Variants in MANBA observed in about 807,000 individuals in gnomAD.
MANBA encodes the protein beta-mannosidase.
MANBA carries 83 observed loss-of-function variants against 111.1 expected under a neutral mutation model. The ratio of observed to expected loss-of-function variants is 0.75; its 90% CI spans 0.63 to 0.90. The LOEUF is 0.90. Among genes scored for constraint, MANBA ranks in the 40% least tolerant of loss-of-function variants. The probability of loss-of-function intolerance (pLI) is 0.00; values close to 1 mark genes in which losing one functional copy is unlikely to be tolerated. For synonymous variants in MANBA, 370 were observed against 378.7 expected (o/e 0.98, Z 0.27); for missense variants, 1,036 against 1,069.0 (o/e 0.97, Z 0.43).
chr4:102,729,735 T>C, intron 1 of MANBA: 2 of 1,417,634 alleles, frequency 1.4e-6, no homozygotes, highest in Middle Eastern at 4.3e-4. Context: ...CTGCCTAAGG[T>C]TGTTGATGTA....
chr4:102,758,686 G>A lies in MANBA; in HGVS notation c.177+2032C>T, dbSNP rs200515589. Reference sequence around the variant, plus strand: ...GCCTCCCTCGTAGCTAGGACCACAGGTGTACGCCACCACGCCCAGTTAATT... The same window carrying A: ...GCCTCCCTCGTAGCTAGGACCACAGATGTACGCCACCACGCCCAGTTAATT... On this transcript the variant is annotated intron_variant, in intron 1 of 16. Transcript: ENST00000647097. Among the ~76,000 whole-genome samples, 24 of 151,994 alleles carry A rather than the reference G, an allele frequency of 1.6e-4. No individual in the cohort carries two copies. The East Asian group carries it at 2.7e-3, about 17-fold the overall frequency.
At chr4:102,754,834 C>A (rs985793072) in intron 1 of MANBA, among the ~76,000 whole-genome samples, 1 of 152,082 alleles carries the variant, frequency 6.6e-6, no homozygotes. Flanking sequence ...GAATTACAGG[C>A]GTGAGCCACT....
At chr4:102,657,968 C>A in intron 11 of MANBA, 68 bp from the exon 12 acceptor site, 1 of 1,186,394 alleles carries the variant, frequency 8.4e-7, no homozygotes, top group Non-Finnish European at 1.3e-6. Flanking sequence ...TCATTTACTT[C>A]TTTAAAAATA....
intron 13 of MANBA, among the ~76,000 whole-genome samples, chr4:102,641,653 G>T (rs1012559520): frequency 2.0e-5 from 3 of 152,098 alleles, no homozygotes; most frequent in Admixed American, 1.3e-4. Context: ...AATGACCATG[G>T]CCCCTATAAA....
chr4:102,706,116 C>T (rs1733286367), intron 5 of MANBA, among the ~76,000 whole-genome samples: 1 of 152,196 alleles, frequency 6.6e-6, no homozygotes, highest in African/African-American at 2.4e-5. Context: ...CTGCCAGCAC[C>T]CAAGCAGGCC....
intron 11 of MANBA, among the ~76,000 whole-genome samples, chr4:102,664,441 C>T (rs551605231): frequency 8.5e-5 from 13 of 152,190 alleles, no homozygotes; most frequent in South Asian, 2.1e-4. Flanking sequence ...CTCTACCTTC[C>T]GGGTTCACGC....
rs34188354 is a variant in MANBA, at chr4:102,689,378, ATG to A, written c.960+194_960+195del. ...AAAAAAAATATATATATATATATAT[ATG>A]TGTGTGTGTATATATATGTATGTAT... On this transcript the variant is annotated intron_variant, in intron 7 of 16. Transcript: ENST00000647097. Among the ~76,000 whole-genome samples, 5,376 of 140,132 alleles carry A rather than the reference ATG, an allele frequency of 0.038. 282 individuals are homozygous for A. The highest frequency in any genetic ancestry group is 0.12 in the African/African-American group (4,424 of 36,654). The allele number at this position is 140,132 out of a possible 152,430, so 91.9% of individuals were successfully genotyped here. A position where few individuals can be genotyped will look rare whatever the true frequency, so the allele number is the denominator to read the frequency against.
At chr4:102,666,705 G>A (rs1219939319) in intron 10 of MANBA, 2 of 152,220 alleles carry the variant, frequency 1.3e-5, no homozygotes, top group Non-Finnish European at 2.9e-5. Context: ...AGCCACCTCA[G>A]GGGAAGTGTT....
intron 1 of MANBA, chr4:102,727,665 A>G: frequency 7.0e-7 from 1 of 1,436,020 alleles, no homozygotes; most frequent in South Asian, 1.1e-5. Context: ...CTCTAAGTTG[A>G]ACGCAGTCTC....
intron 7 of MANBA, among the ~76,000 whole-genome samples, chr4:102,676,190 T>A (rs1731719691): frequency 6.6e-6 from 1 of 152,216 alleles, no homozygotes; most frequent in African/African-American, 2.4e-5. Context: ...CTTACCTTTT[T>A]GTGCGTTATG....
chr4:102,714,804 C>T (rs1434817826), intron 4 of MANBA, among the ~76,000 whole-genome samples: 1 of 152,188 alleles, frequency 6.6e-6, no homozygotes, highest in African/African-American at 2.4e-5. Flanking sequence ...TGCACTGTGT[C>T]CTCACATGGT....
rs950253856 is a variant in MANBA, at chr4:102,630,910, C to A, written c.*1147G>T. 2.0e-5 allele frequency: 3 copies of A among 152,254 alleles called. No homozygotes were observed. Among genetic ancestry groups the A allele is most frequent in the African/African-American group, 7.2e-5 (3 of 41,462 alleles). The allele number at this position is 152,254 out of a possible 1,614,324, so 9.4% of individuals were successfully genotyped here. On this transcript the variant is annotated 3_prime_UTR_variant, in exon 17 of 17. Coordinates refer to ENST00000647097, the MANE Select transcript of MANBA (RefSeq NM_005908.4). ...GGGCAAACTACAAAGTAAACTCTGG[C>A]TCATCAGCTTGAAAGCCCCTTCTCA...
chr4:102,688,152 AAC>A (rs978559785), intron 7 of MANBA, among the ~76,000 whole-genome samples: 20 of 152,118 alleles, frequency 1.3e-4, no homozygotes, highest in Middle Eastern at 3.2e-3. Flanking sequence ...TTTTCATGAA[AAC>A]AACACACAAC....
chr4:102,716,142 T>G (rs1722319575), intron 4 of MANBA, among the ~76,000 whole-genome samples: 1 of 151,796 alleles, frequency 6.6e-6, no homozygotes, highest in African/African-American at 2.4e-5. Context: ...AAACCCCGTC[T>G]CTACTAAAAA....
In MANBA at chr4:102,699,102, T is replaced by G. The variant is rs531979484; in HGVS notation, c.674-8331A>C. Among the ~76,000 whole-genome samples, 841 of 152,292 alleles carry G rather than the reference T, an allele frequency of 5.5e-3. 8 individuals carry two copies. Among genetic ancestry groups the G allele is most frequent in the African/African-American group, 0.02 (813 of 41,548 alleles). On this transcript the variant is annotated intron_variant, in intron 5 of 16. Transcript: ENST00000647097. The stretch of plus-strand genomic sequence containing the variant: ...CTTGTAAGGTGGATTCCTAGGTATT[T>G]TATTCTCTTTGAAGCAATTGTGAAT...
intron 7 of MANBA, among the ~76,000 whole-genome samples, chr4:102,684,806 G>A (rs772395101): frequency 1.3e-5 from 2 of 152,228 alleles, no homozygotes; most frequent in South Asian, 2.1e-4. Context: ...TCAACAAAGC[G>A]ATGATTCATG....
chr4:102,722,830 G>A (rs778855757), intron 4 of MANBA, 41 bp downstream of exon 4: 18 of 1,587,830 alleles, frequency 1.1e-5, no homozygotes, highest in South Asian at 8.8e-5. Context: ...AGCACACCCC[G>A]TCCTCAAAAA....
At position 102,673,898 on chromosome 4, in the gene MANBA, AAAAG is replaced by A; in HGVS notation, c.1112+17_1112+20del. ...GACTGCTAATTAAAAGAAGAACAAG[AAAAG>A]AAAGACAATAACTTACAACTCAGAG... is the stretch of plus-strand genomic sequence containing the variant. On this transcript the variant is annotated intron_variant, in intron 8 of 16. Coordinates refer to ENST00000647097, the MANE Select transcript of MANBA (RefSeq NM_005908.4). The A allele has an allele frequency of 6.3e-7, 1 of 1,597,962 alleles. No individual in the cohort carries two copies. The highest frequency in any genetic ancestry group is 1.1e-5 in the South Asian group (1 of 90,744).
chr4:102,679,285 T>C (rs1004476731), intron 7 of MANBA, among the ~76,000 whole-genome samples: 12 of 152,038 alleles, frequency 7.9e-5, no homozygotes, highest in Non-Finnish European at 1.2e-4. Flanking sequence ...GTGTATCTAG[T>C]ATATCTGACA....
Sources: allele counts gnomAD v4.1 joint callset (sites outside exome capture counted in the v4.1 genomes callset), GRCh38; gene constraint gnomAD v4.1.1; transcripts MANE v1.5; gene names NCBI Gene and HGNC (gene_info 2026-07-23, HGNC 2026-07-21).